SOCS2: variants seen among roughly 807,000 people sequenced by gnomAD.
The protein encoded by SOCS2 is suppressor of cytokine signaling 2.
In SOCS2, 10 loss-of-function variants were observed where a neutral mutation model predicts 18.6. The ratio of observed to expected loss-of-function variants is 0.54; its 90% CI spans 0.33 to 0.91. The LOEUF (loss-of-function observed/expected upper bound fraction) is 0.91. SOCS2 is among the 40% of genes least tolerant of loss of function. The pLI, the probability that SOCS2 is intolerant of heterozygous loss-of-function variation, is 0.02. For synonymous variants in SOCS2, 104 were observed against 104.0 expected, an observed-to-expected ratio of 1.00 and a Z score of 0.00; for missense variants, 231 against 247.2, an observed-to-expected ratio of 0.93 and a Z score of 0.44.
chr12:93,573,218 C>T, intron 1 of SOCS2, 182 bp downstream of exon 1: 1 of 748,200 alleles, frequency 1.3e-6, no homozygotes, highest in Non-Finnish European at 2.1e-6. Flanking sequence ...GAAAGTGGTT[C>T]TCCAGGGACT....
At chr12:93,599,615 T>G in the SOCS2 span, among the ~76,000 whole-genome samples, 12 of 152,370 alleles carry the variant, frequency 7.9e-5, no homozygotes, top group Admixed American at 2.0e-4. Context: ...TAATCCCCAG[T>G]GCAACAGTGT....
the SOCS2 span, among the ~76,000 whole-genome samples, chr12:93,603,598 C>A: frequency 5.9e-5 from 9 of 152,182 alleles, no homozygotes; most frequent in South Asian, 1.7e-3. Flanking sequence ...GTTAAATAAA[C>A]AAGAGATTAT....
rs1954334989 is a variant in SOCS2, at chr12:93,573,410, C to G, written c.139+374C>G. ...CAATCAGCAAGTCGGTGCCGCGGGCCCCGCAGGCCCAGCAGCATCTGGCTC... is the reference window on the plus strand; with the variant it reads ...CAATCAGCAAGTCGGTGCCGCGGGCGCCGCAGGCCCAGCAGCATCTGGCTC... On this transcript the variant is annotated intron_variant, in intron 1 of 1. Transcript: ENST00000551556. The G allele has an allele frequency of 2.5e-5, 11 of 434,378 alleles. No individual in the cohort carries two copies. In the South Asian group the frequency reaches 5.3e-4, roughly 21 times the overall value. 26.9% of individuals were successfully genotyped at this position (434,378 alleles called of 1,614,324 possible).
At chr12:93,623,429 T>A in the SOCS2 span, among the ~76,000 whole-genome samples, 9 of 152,004 alleles carry the variant, frequency 5.9e-5, no homozygotes, top group East Asian at 1.9e-4. Context: ...CATTATTTTT[T>A]AATTTATTAT....
rs1468449491 is a variant in SOCS2, at chr12:93,575,695, A to C, written c.*516A>C. 6.5e-6 allele frequency: 1 copy of C among 152,758 alleles called. No individual in the cohort carries two copies. The highest frequency in any genetic ancestry group is 2.4e-5 in the African/African-American group (1 of 41,450). 9.5% of individuals were successfully genotyped at this position (152,758 alleles called of 1,614,324 possible). On this transcript the variant is annotated 3_prime_UTR_variant, in exon 2 of 2. Transcript: ENST00000551556. ...AAACAGATGATGTATGTGAGTATTT[A>C]TCCCATTTTATGCAATTAACCAAAT...
Position 93,572,965 on chromosome 12 carries a change from C to A in SOCS2, c.68C>A (p.Ala23Glu). ...GEGTRSQWGT[A>E]GSAEEPSPQA... ...GGGACGCGGAGCCAGTGGGGGACCG[C>A]GGGGTCGGCGGAGGAGCCATCCCCG... Residue 23 changes from alanine to glutamate, a missense_variant, in exon 1 of 2, where the codon GCG (alanine) becomes GAG (glutamate). Physicochemically the swap from Ala to Glu is moderately radical, Grantham distance 107 (BLOSUM62 -1). Around this residue, in one of 3 missense-constraint regions of SOCS2, gnomAD observed 106 missense variants for 103.8 expected, o/e 1.02. Transcript: ENST00000551556. This position sits in a 1 kb window ranked among gnomAD's most constrained non-coding sequence, Gnocchi z 5.0. 1 of 1,567,370 alleles carries A rather than the reference C, an allele frequency of 6.4e-7. No individual in the cohort carries two copies. Among genetic ancestry groups the A allele is most frequent in the East Asian group, 2.4e-5 (1 of 42,280 alleles).
the SOCS2 span, among the ~76,000 whole-genome samples, chr12:93,598,701 A>G: frequency 6.6e-6 from 1 of 152,194 alleles, no homozygotes; most frequent in East Asian, 1.9e-4. Flanking sequence ...CTATGAGTAC[A>G]GTATAACAAA....
chr12:93,597,591 C>T, the SOCS2 span, among the ~76,000 whole-genome samples: 1 of 152,158 alleles, frequency 6.6e-6, no homozygotes, highest in Non-Finnish European at 1.5e-5. Flanking sequence ...GCTGAGATTA[C>T]AGGTGTGAGC....
At chr12:93,574,138 C>G (rs1005426929) in intron 1 of SOCS2, 8 of 150,090 alleles carry the variant, frequency 5.3e-5, no homozygotes, top group Non-Finnish European at 1.5e-5. Context: ...TAGAGCTGTG[C>G]TTTTACAACA....
At chr12:93,613,637 A>T in the SOCS2 span, among the ~76,000 whole-genome samples, 1 of 152,246 alleles carries the variant, frequency 6.6e-6, no homozygotes, top group Non-Finnish European at 1.5e-5. Flanking sequence ...GACACTCTAA[A>T]GAGAAATTGT....
the SOCS2 span, among the ~76,000 whole-genome samples, chr12:93,618,137 A>G: frequency 1.3e-5 from 2 of 152,088 alleles, no homozygotes; most frequent in Admixed American, 1.3e-4. Flanking sequence ...TGCTCTGGCC[A>G]TGTAAGATGT....
chr12:93,580,553 A>G (rs960813533), downstream of SOCS2, among the ~76,000 whole-genome samples: 7 of 147,136 alleles, frequency 4.8e-5, no homozygotes, highest in Non-Finnish European at 1.0e-4. Flanking sequence ...CCTGGGATGC[A>G]GAGGTTGCTG....
At chr12:93,595,235 G>C in the SOCS2 span, among the ~76,000 whole-genome samples, 540 of 152,218 alleles carry the variant, frequency 3.5e-3, 3 homozygotes, top group Non-Finnish European at 6.7e-3. Context: ...CACACTGATA[G>C]TTAACTTTAG....
chr12:93,612,505 C>T, the SOCS2 span, among the ~76,000 whole-genome samples: 1 of 152,206 alleles, frequency 6.6e-6, no homozygotes, highest in Admixed American at 6.5e-5. Flanking sequence ...GCATTGTCCC[C>T]TGCTCAATCC....
At position 93,575,450 on chromosome 12, in the gene SOCS2, C is replaced by T. The variant is rs1390481085; in HGVS notation, c.*271C>T. On this transcript the variant is annotated 3_prime_UTR_variant, in exon 2 of 2. Coordinates refer to ENST00000551556, the MANE Select transcript of SOCS2 (RefSeq NM_001270471.2). ...AAAAATAAAATGTCGCATGTAAAGG[C>T]TGAAGTCGCGTTTTATCAGAATGCC... 17 of 198,072 alleles carry T rather than the reference C, an allele frequency of 8.6e-5. No individual in the cohort carries two copies. In the East Asian group the frequency reaches 1.6e-3, roughly 19 times the overall value. The allele number at this position is 198,072 out of a possible 1,614,324, so 12.3% of individuals were successfully genotyped here. A position where few individuals can be genotyped will look rare whatever the true frequency, so the allele number is the denominator to read the frequency against.
At chr12:93,605,967 A>G in the SOCS2 span, among the ~76,000 whole-genome samples, 1 of 152,222 alleles carries the variant, frequency 6.6e-6, no homozygotes, top group Non-Finnish European at 1.5e-5. Context: ...AGCTTAAACA[A>G]GATAGAATTT....
the SOCS2 span, among the ~76,000 whole-genome samples, chr12:93,621,065 G>T: frequency 1.3e-5 from 2 of 152,178 alleles, no homozygotes; most frequent in Admixed American, 6.5e-5. Flanking sequence ...CATCTTCAGT[G>T]CAACTCTTGT....
upstream of SOCS2, chr12:93,570,996 G>C (rs1030762241): frequency 1.3e-5 from 2 of 153,972 alleles, no homozygotes; most frequent in Non-Finnish European, 2.9e-5. Flanking sequence ...AGGCGCGTCG[G>C]TCTGGGAAGT....
At chr12:93,607,412 A>G in the SOCS2 span, among the ~76,000 whole-genome samples, 1 of 152,242 alleles carries the variant, frequency 6.6e-6, no homozygotes, top group Admixed American at 6.5e-5. Flanking sequence ...ACAAAACTTA[A>G]AAAGGGAACC....
Sources: allele counts gnomAD v4.1 joint callset (sites outside exome capture counted in the v4.1 genomes callset), GRCh38; gene constraint gnomAD v4.1.1; regional missense constraint gnomAD v4.1.1; non-coding constraint Gnocchi (gnomAD v3.1); transcripts MANE v1.5; gene names NCBI Gene and HGNC (gene_info 2026-07-23, HGNC 2026-07-21).